Variants in TNFRSF10D observed in about 807,000 individuals in gnomAD.
TNFRSF10D encodes TNF receptor superfamily member 10d, also known as tumor necrosis factor receptor superfamily member 10D.
In TNFRSF10D, 28 loss-of-function variants were observed where a neutral mutation model predicts 42.1. That is an observed-to-expected ratio of 0.66 (90% CI 0.49 to 0.91). The LOEUF is 0.91. Among genes scored for constraint, TNFRSF10D ranks in the 40% least tolerant of loss-of-function variants. The pLI, the probability that TNFRSF10D is intolerant of heterozygous loss-of-function variation, is 0.00. For synonymous variants in TNFRSF10D, 186 were observed against 189.4 expected, an observed-to-expected ratio of 0.98 and a Z score of 0.15; for missense variants, 503 against 486.1, an observed-to-expected ratio of 1.03 and a Z score of -0.33.
intron 1 of TNFRSF10D, among the ~76,000 whole-genome samples, 166 bp from the exon 2 acceptor site, chr8:23,155,145 T>C (rs1420669077): frequency 6.6e-6 from 1 of 152,224 alleles, no homozygotes; most frequent in Non-Finnish European, 1.5e-5. Context: ...CCCTGGCCTG[T>C]TAGGTAGCTA....
chr8:23,156,812 CTG>C (rs1800287946), intron 1 of TNFRSF10D, among the ~76,000 whole-genome samples: 1 of 152,224 alleles, frequency 6.6e-6, no homozygotes. Flanking sequence ...AGCGTTCTGC[CTG>C]CCTGAGCCTC....
intron 1 of TNFRSF10D, among the ~76,000 whole-genome samples, chr8:23,158,626 T>G (rs1245015615): frequency 6.6e-6 from 1 of 152,212 alleles, no homozygotes; most frequent in African/African-American, 2.4e-5. Flanking sequence ...CTAGTCTAAT[T>G]TTTTTACTCC....
At chr8:23,160,147 C>A (rs1420310383) in intron 1 of TNFRSF10D, among the ~76,000 whole-genome samples, 2 of 152,178 alleles carry the variant, frequency 1.3e-5, no homozygotes, top group Non-Finnish European at 2.9e-5. Flanking sequence ...TGTCACCTCA[C>A]CCACCACACT....
Position 23,148,051 on chromosome 8 carries a change from C to T in TNFRSF10D, c.370+387G>A, listed in dbSNP as rs561440624. Among the ~76,000 whole-genome samples the T allele has an allele frequency of 2.0e-4, 24 of 122,822 alleles. No individual in the cohort carries two copies. In the South Asian group the frequency reaches 5.3e-3, roughly 27 times the overall value. The allele number at this position is 122,822 out of a possible 152,430, so 80.6% of individuals were successfully genotyped here. On this transcript the variant is annotated intron_variant, in intron 3 of 8. Coordinates refer to ENST00000312584, the MANE Select transcript of TNFRSF10D (RefSeq NM_003840.5). ...CTGCACTCCAGCCTGGACAACAGAA[C>T]GAGACTCCGTCTCCCAAAAAAAAAA...
At chr8:23,140,801 C>T (rs907656149) in intron 7 of TNFRSF10D, among the ~76,000 whole-genome samples, 1 of 152,164 alleles carries the variant, frequency 6.6e-6, no homozygotes, top group East Asian at 1.9e-4. Context: ...CATCTTTCAC[C>T]TCAGGCCATG....
chr8:23,153,285 G>A (rs1321461710), intron 2 of TNFRSF10D, among the ~76,000 whole-genome samples: 1 of 152,130 alleles, frequency 6.6e-6, no homozygotes, highest in African/African-American at 2.4e-5. Flanking sequence ...AAACATAGGG[G>A]AAAATCTTCA....
intron 8 of TNFRSF10D, 81 bp from the exon 9 acceptor site, chr8:23,138,084 G>T (rs1814370845): frequency 6.2e-7 from 1 of 1,608,292 alleles, no homozygotes; most frequent in African/African-American, 1.3e-5. Context: ...CCTGCTTCCA[G>T]CAGTGAAACC....
At chr8:23,140,161 C>T (rs58607571) in intron 7 of TNFRSF10D, among the ~76,000 whole-genome samples, 9,459 of 152,080 alleles carry the variant, frequency 0.062, 394 homozygotes, top group African/African-American at 0.12. Flanking sequence ...TGGCAGTGTG[C>T]GCCTGTAATC....
Position 23,144,378 on chromosome 8 carries a change from G to A in TNFRSF10D, c.954+72C>T, listed in dbSNP as rs1800078421. ...CTTGGGCCAGGAAAGAGGAGGCACT[G>A]CCATGTCCCACTGTCTACAAAGTCC... is the stretch of plus-strand genomic sequence containing the variant. On this transcript the variant is annotated intron_variant, in intron 7 of 8. Coordinates refer to ENST00000312584, the MANE Select transcript of TNFRSF10D (RefSeq NM_003840.5). 2.0e-6 allele frequency: 3 copies of A among 1,525,612 alleles called. No individual in the cohort carries two copies. In the South Asian group the frequency reaches 3.7e-5, roughly 19 times the overall value. 94.5% of individuals were successfully genotyped at this position (1,525,612 alleles called of 1,614,324 possible). A position where few individuals can be genotyped will look rare whatever the true frequency, so the allele number is the denominator to read the frequency against.
intron 1 of TNFRSF10D, among the ~76,000 whole-genome samples, chr8:23,159,391 T>A (rs1393192237): frequency 6.6e-6 from 1 of 152,204 alleles, no homozygotes; most frequent in Admixed American, 6.5e-5. Context: ...ATCTCCTTAT[T>A]TTTAAGGATG....
intron 2 of TNFRSF10D, among the ~76,000 whole-genome samples, chr8:23,153,384 C>G (rs929919311): frequency 2.0e-5 from 3 of 152,180 alleles, no homozygotes; most frequent in African/African-American, 7.2e-5. Flanking sequence ...TTATATCAGA[C>G]TAGAAAGGTT....
chr8:23,155,599 A>G (rs1329302974), intron 1 of TNFRSF10D, among the ~76,000 whole-genome samples: 1 of 151,432 alleles, frequency 6.6e-6, no homozygotes, highest in Non-Finnish European at 1.5e-5. Context: ...GGCACCTGTA[A>G]CCCCAGCTAC....
At chr8:23,141,702 C>A (rs953290126) in intron 7 of TNFRSF10D, among the ~76,000 whole-genome samples, 2 of 151,474 alleles carry the variant, frequency 1.3e-5, no homozygotes, top group African/African-American at 4.8e-5. Context: ...AAGTGGCCAA[C>A]AAACATATGA....
At chr8:23,142,475 C>T (rs1231524705) in intron 7 of TNFRSF10D, among the ~76,000 whole-genome samples, 1 of 152,180 alleles carries the variant, frequency 6.6e-6, no homozygotes, top group Non-Finnish European at 1.5e-5. Flanking sequence ...AGGCCATCAT[C>T]CTAAGTGAAT....
At chr8:23,158,658 T>C (rs1800314063) in intron 1 of TNFRSF10D, among the ~76,000 whole-genome samples, 1 of 152,262 alleles carries the variant, frequency 6.6e-6, no homozygotes. Flanking sequence ...CACATTTTAA[T>C]GTTAATTACC....
chr8:23,163,358 C>G (rs1800402883), intron 1 of TNFRSF10D, among the ~76,000 whole-genome samples: 1 of 152,196 alleles, frequency 6.6e-6, no homozygotes, highest in East Asian at 1.9e-4. Flanking sequence ...CCGCCTCGGC[C>G]TCCCAACGTG....
intron 1 of TNFRSF10D, among the ~76,000 whole-genome samples, chr8:23,160,030 A>G (rs1460585786): frequency 6.6e-6 from 1 of 151,870 alleles, no homozygotes; most frequent in African/African-American, 2.4e-5. Flanking sequence ...ACAATACCAC[A>G]TCCTATAGCC....
chr8:23,160,958 C>T (rs1800358673), intron 1 of TNFRSF10D, among the ~76,000 whole-genome samples: 1 of 152,242 alleles, frequency 6.6e-6, no homozygotes, highest in Non-Finnish European at 1.5e-5. Context: ...CCTCGATGGC[C>T]CCTCCACATG....
In TNFRSF10D at chr8:23,154,891, T is replaced by TC. The variant is rs1800254213; in HGVS notation, c.238dup (p.Glu80GlyfsTer10). ...GAGTGCACCTGCTGGACACTCCTCCTCCTTGAGGCTGCGCCTCTGTTGCTG... is the reference window on the plus strand; with the variant it reads ...GAGTGCACCTGCTGGACACTCCTCCTCCCTTGAGGCTGCGCCTCTGTTGCTG... On this transcript the variant is annotated frameshift_variant, in exon 2 of 9. Coordinates refer to ENST00000312584, the MANE Select transcript of TNFRSF10D (RefSeq NM_003840.5). LOFTEE classifies it high-confidence loss of function. The TC allele has an allele frequency of 6.2e-7, 1 of 1,613,848 alleles. No homozygotes were observed. Among genetic ancestry groups the TC allele is most frequent in the Admixed American group, 1.7e-5 (1 of 59,996 alleles).
Sources: gnomAD v4.1 joint callset for allele counts (sites outside exome capture counted in the v4.1 genomes callset) on GRCh38, gnomAD v4.1.1 for gene constraint, MANE v1.5 for transcripts, NCBI Gene and HGNC (gene_info 2026-07-23, HGNC 2026-07-21) for gene names.